AK8: variants seen among roughly 807,000 people sequenced by gnomAD.
The protein encoded by AK8 is ATP-AMP transphosphorylase 8.
AK8 carries 44 observed loss-of-function variants against 54.6 expected under a neutral mutation model. That is an observed-to-expected ratio of 0.81 (90% CI 0.63 to 1.04). The LOEUF is 1.04. AK8 is among the 50% of genes least tolerant of loss of function. The pLI, the probability that AK8 is intolerant of heterozygous loss-of-function variation, is 0.00. For synonymous variants in AK8, 239 were observed against 245.6 expected (o/e 0.97, Z 0.25); for missense variants, 555 against 613.6 (o/e 0.90, Z 1.01).
In AK8 at chr9:132,781,096, A is replaced by C. The variant is rs1281444888; in HGVS notation, c.1121+11538T>G. Among the ~76,000 whole-genome samples the C allele has an allele frequency of 6.6e-6, 1 of 152,214 alleles. No individual in the cohort carries two copies. ...GCTACAAGCTTGCAGCATGAAATGA[A>C]TTATTTTACAGCCAGGCAGAGGGCA... On this transcript the variant is annotated intron_variant, in intron 11 of 12. Transcript: ENST00000298545. The surrounding 1 kb of genome is among the most constrained non-coding windows in gnomAD (Gnocchi z 4.6).
chr9:132,771,107 C>A (rs1470398038), intron 11 of AK8, among the ~76,000 whole-genome samples: 1 of 152,202 alleles, frequency 6.6e-6, no homozygotes, highest in Non-Finnish European at 1.5e-5. Flanking sequence ...CAGTCCGAGT[C>A]CGTCTCCACT....
chr9:132,736,626 A>T (rs1440915847), intron 11 of AK8, among the ~76,000 whole-genome samples: 1 of 151,602 alleles, frequency 6.6e-6, no homozygotes, highest in Non-Finnish European at 1.5e-5. Flanking sequence ...TCTACTAAAA[A>T]TACAAAACAT....
intron 11 of AK8, among the ~76,000 whole-genome samples, chr9:132,772,518 A>G (rs1055343264): frequency 3.9e-5 from 6 of 152,178 alleles, no homozygotes; most frequent in African/African-American, 1.4e-4. Flanking sequence ...CTCAGAAGAA[A>G]CCAAACCTGC....
intron 8 of AK8, among the ~76,000 whole-genome samples, chr9:132,824,389 C>A (rs1445290405): frequency 6.6e-6 from 1 of 152,216 alleles, no homozygotes; most frequent in Non-Finnish European, 1.5e-5. Flanking sequence ...TCTGCCTTTA[C>A]CAATGTGCCT....
chr9:132,836,642 C>A (rs1467550007), intron 5 of AK8, among the ~76,000 whole-genome samples: 1 of 152,170 alleles, frequency 6.6e-6, no homozygotes, highest in Non-Finnish European at 1.5e-5. Flanking sequence ...CTTGGCCTCC[C>A]AAAGTGCTGG....
At chr9:132,750,878 G>A (rs2131013799) in intron 11 of AK8, among the ~76,000 whole-genome samples, 1 of 152,104 alleles carries the variant, frequency 6.6e-6, no homozygotes, top group East Asian at 1.9e-4. Flanking sequence ...CGCCTGGAAG[G>A]CCTAACCCAG....
chr9:132,790,775 TA>T lies in AK8; in HGVS notation c.1121+1858del, dbSNP rs1316622700. ...TGTAGATGACATGGTCATCTACCTG[TA>T]AAACCCAAGAGAATCAACTGAAAAA... On this transcript the variant is annotated intron_variant, in intron 11 of 12. Coordinates refer to ENST00000298545, the MANE Select transcript of AK8 (RefSeq NM_152572.3). This position sits in a 1 kb window ranked among gnomAD's most constrained non-coding sequence, Gnocchi z 4.1. Among the ~76,000 whole-genome samples, 1 of 152,100 alleles carries T rather than the reference TA, an allele frequency of 6.6e-6. No individual in the cohort carries two copies. Among genetic ancestry groups the T allele is most frequent in the Non-Finnish European group, 1.5e-5 (1 of 68,010 alleles).
chr9:132,744,459 A>G (rs1365491979), intron 11 of AK8, among the ~76,000 whole-genome samples: 2 of 152,152 alleles, frequency 1.3e-5, no homozygotes, highest in Non-Finnish European at 2.9e-5. Flanking sequence ...TCAAAATAAA[A>G]AGGCAAGGAG....
intron 10 of AK8, among the ~76,000 whole-genome samples, chr9:132,810,871 T>G (rs1391651193): frequency 6.6e-6 from 1 of 151,644 alleles, no homozygotes; most frequent in Non-Finnish European, 1.5e-5. Context: ...AAATATAGAA[T>G]GTAAGTATAA....
At position 132,791,984 on chromosome 9, in the gene AK8, G is replaced by A. The variant is rs929205686; in HGVS notation, c.1121+650C>T. Among the ~76,000 whole-genome samples the A allele has an allele frequency of 4.6e-5, 7 of 152,194 alleles. No individual in the cohort carries two copies. The highest frequency in any genetic ancestry group is 2.1e-4 in the South Asian group (1 of 4,830). On this transcript the variant is annotated intron_variant, in intron 11 of 12. Coordinates refer to ENST00000298545, the MANE Select transcript of AK8 (RefSeq NM_152572.3). The surrounding 1 kb of genome is among the most constrained non-coding windows in gnomAD (Gnocchi z 4.0). The stretch of plus-strand genomic sequence containing the variant: ...CCTCCAACTGGGGCATGGTAGAACC[G>A]AAGCCTTTCCCACCTTCCACTAGAA...
chr9:132,777,095 C>T (rs1004644723), intron 11 of AK8, among the ~76,000 whole-genome samples: 2 of 152,136 alleles, frequency 1.3e-5, no homozygotes, highest in South Asian at 2.1e-4. Context: ...AACTCTACCC[C>T]GCAAAGCCAG....
intron 5 of AK8, among the ~76,000 whole-genome samples, chr9:132,833,538 C>T (rs558410696): frequency 6.6e-6 from 1 of 152,136 alleles, no homozygotes; most frequent in East Asian, 1.9e-4. Context: ...TTGTTCAGAG[C>T]AGGTTAATTG....
At chr9:132,870,896 C>G (rs1843797112) in intron 2 of AK8, among the ~76,000 whole-genome samples, 4 of 151,700 alleles carry the variant, frequency 2.6e-5, no homozygotes, top group Non-Finnish European at 5.9e-5. Context: ...CCGCACTCTT[C>G]TAGGACACAT....
intron 11 of AK8, among the ~76,000 whole-genome samples, chr9:132,730,790 G>A (rs753932275): frequency 2.2e-4 from 33 of 152,180 alleles, no homozygotes; most frequent in Non-Finnish European, 3.7e-4. Flanking sequence ...GGTGTTGGGT[G>A]GGCTCATCAG....
intron 11 of AK8, among the ~76,000 whole-genome samples, chr9:132,745,934 C>T (rs923895702): frequency 4.6e-5 from 7 of 152,126 alleles, no homozygotes; most frequent in African/African-American, 1.7e-4. Flanking sequence ...ATGCACCCTC[C>T]CCAAGGAGTA....
intron 5 of AK8, among the ~76,000 whole-genome samples, chr9:132,839,406 G>C (rs1842446605): frequency 6.6e-6 from 1 of 152,202 alleles, no homozygotes; most frequent in South Asian, 2.1e-4. Flanking sequence ...CTGAAGCAGA[G>C]ACCCGTTCAT....
intron 9 of AK8, among the ~76,000 whole-genome samples, chr9:132,815,721 CAAGCATGAG>C (rs1342271385): frequency 6.6e-6 from 1 of 152,216 alleles, no homozygotes; most frequent in African/African-American, 2.4e-5. Context: ...TGCTGGGCAA[CAAGCATGAG>C]TGAATAAACA....
chr9:132,804,063 G>T (rs931587584), intron 10 of AK8, among the ~76,000 whole-genome samples: 1 of 142,614 alleles, frequency 7.0e-6, no homozygotes, highest in Admixed American at 7.6e-5. Context: ...CCGAGATCGC[G>T]CCACTGCGAT....
intron 11 of AK8, among the ~76,000 whole-genome samples, chr9:132,731,722 A>G (rs1836856890): frequency 6.6e-6 from 1 of 152,240 alleles, no homozygotes; most frequent in African/African-American, 2.4e-5. Flanking sequence ...TTGAGAGCTC[A>G]GCTCTCTGGA....
Sources: allele counts gnomAD v4.1 joint callset (sites outside exome capture counted in the v4.1 genomes callset), GRCh38; gene constraint gnomAD v4.1.1; non-coding constraint Gnocchi (gnomAD v3.1); transcripts MANE v1.5; gene names NCBI Gene and HGNC (gene_info 2026-07-23, HGNC 2026-07-21).